ZNF385C: variants seen among roughly 807,000 people sequenced by gnomAD.
The protein encoded by ZNF385C is CTD-2132N18.2.
Under a neutral mutation model 35.4 loss-of-function variants are expected in ZNF385C, and 28 were observed. That is an observed-to-expected ratio of 0.79 (90% CI 0.59 to 1.08). ZNF385C has a LOEUF of 1.08. Ranked by LOEUF, ZNF385C falls within the 50% of genes least tolerant of loss-of-function variation. ZNF385C has a pLI of 0.00. For synonymous variants in ZNF385C, 248 were observed against 248.2 expected (o/e 1.00, Z 0.01); for missense variants, 605 against 595.6 (o/e 1.02, Z -0.16).
rs1157812356 is a variant in ZNF385C, at chr17:42,026,632, G to C, written c.*265C>G. The C allele has an allele frequency of 1.3e-5, 7 of 532,916 alleles. No homozygotes were observed. Among genetic ancestry groups the C allele is most frequent in the Non-Finnish European group, 2.0e-5 (6 of 295,988 alleles). 33.0% of individuals were successfully genotyped at this position (532,916 alleles called of 1,614,324 possible). A position where few individuals can be genotyped will look rare whatever the true frequency, so the allele number is the denominator to read the frequency against. On this transcript the variant is annotated 3_prime_UTR_variant, in exon 9 of 9. Transcript: ENST00000692273. ...AAAGTGAGAGCACCACATGGCTGGG[G>C]CTGAGATTTTGCATAGATCTTTGGG...
chr17:42,077,337 G>A (rs894405998), intron 1 of ZNF385C, among the ~76,000 whole-genome samples: 4 of 152,136 alleles, frequency 2.6e-5, no homozygotes, highest in Non-Finnish European at 5.9e-5. Flanking sequence ...TATAATATGT[G>A]CCCAACTAAT....
At chr17:42,040,124 C>G in intron 2 of ZNF385C, 1 of 1,231,430 alleles carries the variant, frequency 8.1e-7, no homozygotes, top group Non-Finnish European at 1.0e-6. Flanking sequence ...GCCCCCTCGC[C>G]ATGCGTGCCC....
chr17:42,076,204 C>G (rs2053682498), intron 1 of ZNF385C, among the ~76,000 whole-genome samples: 1 of 152,194 alleles, frequency 6.6e-6, no homozygotes, highest in Non-Finnish European at 1.5e-5. Context: ...TGCACGCAGG[C>G]AAAACACTGC....
At chr17:42,084,906 C>T (rs2053790063) in intron 1 of ZNF385C, among the ~76,000 whole-genome samples, 1 of 152,140 alleles carries the variant, frequency 6.6e-6, no homozygotes, top group Non-Finnish European at 1.5e-5. Flanking sequence ...TGTGAGCCAC[C>T]ATGGCTGGCC....
At chr17:42,063,943 C>G (rs1213337897) in intron 1 of ZNF385C, among the ~76,000 whole-genome samples, 4 of 152,144 alleles carry the variant, frequency 2.6e-5, no homozygotes, top group African/African-American at 7.2e-5. Context: ...CCAGATGCCC[C>G]CTGCTGTCTT....
At chr17:42,079,203 A>AAAAAT (rs1555659529) in intron 1 of ZNF385C, among the ~76,000 whole-genome samples, 1 of 113,824 alleles carries the variant, frequency 8.8e-6, no homozygotes, top group Non-Finnish European at 1.7e-5. Flanking sequence ...AAAAAAAAAA[A>AAAAAT]ATATATATAT....
chr17:42,061,457 G>C (rs2053461011), intron 2 of ZNF385C: 1 of 152,062 alleles, frequency 6.6e-6, no homozygotes, highest in Non-Finnish European at 1.5e-5. Context: ...CTGGCCTTAA[G>C]TGACCCACCT....
chr17:42,082,248 C>A (rs994867460), intron 1 of ZNF385C, among the ~76,000 whole-genome samples: 12 of 152,156 alleles, frequency 7.9e-5, no homozygotes, highest in African/African-American at 2.9e-4. Flanking sequence ...AGCCCAGCAC[C>A]TCACAGGGTA....
At chr17:42,079,404 A>G (rs1398436753) in intron 1 of ZNF385C, among the ~76,000 whole-genome samples, 2 of 137,600 alleles carry the variant, frequency 1.5e-5, no homozygotes, top group Admixed American at 1.5e-4. Context: ...AAAAAAAAAT[A>G]CTGACCAGGC....
chr17:42,035,801 G>A (rs2143588466), intron 3 of ZNF385C, among the ~76,000 whole-genome samples: 1 of 151,884 alleles, frequency 6.6e-6, no homozygotes, highest in East Asian at 2.0e-4. Flanking sequence ...TGATCCGCCT[G>A]CCTTGGCCTC....
chr17:42,080,135 C>T (rs1198585686), intron 1 of ZNF385C, among the ~76,000 whole-genome samples: 2 of 152,138 alleles, frequency 1.3e-5, no homozygotes, highest in Admixed American at 6.6e-5. Context: ...GTGGGGTGGC[C>T]GTCTCTCCAG....
At position 42,080,214 on chromosome 17, in the gene ZNF385C, C is replaced by T. The variant is rs182597227; in HGVS notation, c.-2-17156G>A. Among the ~76,000 whole-genome samples the T allele has an allele frequency of 4.7e-3, 716 of 152,278 alleles. 7 individuals carry two copies. Among genetic ancestry groups the T allele is most frequent in the Non-Finnish European group, 4.0e-3 (274 of 68,022 alleles). On this transcript the variant is annotated intron_variant, in intron 1 of 8. Coordinates refer to ENST00000692273, the MANE Select transcript of ZNF385C (RefSeq NM_001392013.1). ...CTGAGAGGACAGCCTTATACTGCCC[C>T]ATGGAAGGGAAGGGAAAGCCTGAGG...
At chr17:42,057,905 T>C (rs1446005249) in intron 2 of ZNF385C, among the ~76,000 whole-genome samples, 2 of 151,374 alleles carry the variant, frequency 1.3e-5, no homozygotes, top group African/African-American at 4.9e-5. Context: ...ATCACACCAC[T>C]GCACTCCAGC....
chr17:42,064,820 C>T lies in ZNF385C; in HGVS notation c.-2-1762G>A, dbSNP rs782728137. On this transcript the variant is annotated intron_variant, in intron 1 of 8. Coordinates refer to ENST00000692273, the MANE Select transcript of ZNF385C (RefSeq NM_001392013.1). ...CCTCAGGTGATCCTCCCACCTTGGC[C>T]TCCCACAGTGCTGGGATTACAGCCA... Among the ~76,000 whole-genome samples, 5 of 152,182 alleles carry T rather than the reference C, an allele frequency of 3.3e-5. No individual in the cohort carries two copies. The East Asian group carries it at 9.7e-4, about 29-fold the overall frequency.
rs528599659 is a variant in ZNF385C, at chr17:42,063,808, C to T, written c.-2-750G>A. Among the ~76,000 whole-genome samples, 10 of 152,304 alleles carry T rather than the reference C, an allele frequency of 6.6e-5. No individual in the cohort carries two copies. The East Asian group carries it at 1.7e-3, about 27-fold the overall frequency. ...AATCCTGTGACAGCCAGGCATGTGG[C>T]GCTTACTGGAGACGCAGCAGCCGCC... On this transcript the variant is annotated intron_variant, in intron 1 of 8. Coordinates refer to ENST00000692273, the MANE Select transcript of ZNF385C (RefSeq NM_001392013.1).
At chr17:42,097,515 C>G (rs1297661235) in intron 1 of ZNF385C, among the ~76,000 whole-genome samples, 14 of 152,164 alleles carry the variant, frequency 9.2e-5, no homozygotes, top group African/African-American at 3.4e-4. Flanking sequence ...GGGGTCCCAG[C>G]TGGACCCAGA....
chr17:42,084,349 A>C (rs1454231032), intron 1 of ZNF385C, among the ~76,000 whole-genome samples: 1 of 151,836 alleles, frequency 6.6e-6, no homozygotes, highest in East Asian at 1.9e-4. Context: ...CCAAAACCAA[A>C]AACAAACAAA....
chr17:42,040,414 T>C, intron 2 of ZNF385C: 1 of 1,232,040 alleles, frequency 8.1e-7, no homozygotes, highest in Non-Finnish European at 1.0e-6. Flanking sequence ...GCGCTGAGCT[T>C]GGAGGGAGGC....
At chr17:42,082,777 A>G (rs2053761939) in intron 1 of ZNF385C, among the ~76,000 whole-genome samples, 1 of 152,194 alleles carries the variant, frequency 6.6e-6, no homozygotes. Flanking sequence ...TACAAAAAAT[A>G]CAAAAATTAG....
Sources: allele counts gnomAD v4.1 joint callset (sites outside exome capture counted in the v4.1 genomes callset), GRCh38; gene constraint gnomAD v4.1.1; transcripts MANE v1.5; gene names NCBI Gene and HGNC (gene_info 2026-07-23, HGNC 2026-07-21).